The following TMEM135 variants were observed in gnomAD, a reference collection of about 807,000 sequenced individuals.
TMEM135 encodes the protein peroxisomal membrane protein 52.
A neutral mutation model predicts 60.3 loss-of-function variants in TMEM135; 30 were observed. The ratio of observed to expected loss-of-function variants is 0.50; its 90% CI spans 0.37 to 0.68. The LOEUF (loss-of-function observed/expected upper bound fraction) is 0.68. TMEM135 is among the 30% of genes least tolerant of loss of function. TMEM135 has a pLI of 0.00. For missense variants in TMEM135, 468 were observed against 548.8 expected (o/e 0.85, Z 1.47); for synonymous variants, 190 against 186.7 (o/e 1.02, Z -0.14).
rs139037509 is a variant in TMEM135 at position 87,060,133 on chromosome 11, G to A, written c.142-7561G>A. Among the ~76,000 whole-genome samples, 222 of 152,220 alleles carry A rather than the reference G, an allele frequency of 1.5e-3. 1 individual carries two copies. Among genetic ancestry groups the A allele is most frequent in the African/African-American group, 5.1e-3 (214 of 41,566 alleles). ...GAATAAAAAAAAAGAAAGAAAAAAA[G>A]TAAATCTTATAGATCTTGGACAAGG... On this transcript the variant is annotated intron_variant, in intron 1 of 14. Transcript: ENST00000305494.
chr11:87,159,593 GCACA>G lies in TMEM135; in HGVS notation c.462+2209_462+2212del, dbSNP rs146638445. 1.3e-3 allele frequency among the ~76,000 whole-genome samples: 160 copies of G among 124,946 alleles called. 1 individual carries two copies. Among genetic ancestry groups the G allele is most frequent in the African/African-American group, 3.5e-3 (124 of 35,222 alleles). 82.0% of individuals were successfully genotyped at this position (124,946 alleles called of 152,430 possible). ...AAGATACTACTGAATACACACACGC[GCACA>G]CACACACACACACACACACACCATA... On this transcript the variant is annotated intron_variant, in intron 5 of 14. Coordinates refer to ENST00000305494, the MANE Select transcript of TMEM135 (RefSeq NM_022918.4).
At position 87,326,430 on chromosome 11, in the gene TMEM135, G is replaced by T. The variant is rs911927582; in HGVS notation, c.*5097G>T. 8.8e-6 allele frequency: 4 copies of T among 453,832 alleles called. No individual in the cohort carries two copies. Among genetic ancestry groups the T allele is most frequent in the Non-Finnish European group, 1.8e-5 (4 of 226,772 alleles). The allele number at this position is 453,832 out of a possible 1,614,324, so 28.1% of individuals were successfully genotyped here. A position where few individuals can be genotyped will look rare whatever the true frequency, so the allele number is the denominator to read the frequency against. ...ATTAAACTTTTTCCAGTAGTTAATC[G>T]ATCTCTTAAATTAATTTTCTTTTCA... On this transcript the variant is annotated 3_prime_UTR_variant, in exon 15 of 15. Coordinates refer to ENST00000305494, the MANE Select transcript of TMEM135 (RefSeq NM_022918.4).
rs1048344657 is a variant in TMEM135 at position 87,324,286 on chromosome 11, C to T, written c.*2953C>T. The T allele has an allele frequency of 1.5e-5, 7 of 453,944 alleles. 1 individual carries two copies. The highest frequency in any genetic ancestry group is 2.6e-5 in the Non-Finnish European group (6 of 226,784). The allele number at this position is 453,944 out of a possible 1,614,324, so 28.1% of individuals were successfully genotyped here. A position where few individuals can be genotyped will look rare whatever the true frequency, so the allele number is the denominator to read the frequency against. On this transcript the variant is annotated 3_prime_UTR_variant, in exon 15 of 15. Transcript: ENST00000305494. ...GGGAGCTTCGTCCACTTGCCTGTGT[C>T]ACAACCTCTCCCTTGGTGCTAATTA...
At chr11:87,090,784 G>A (rs923819059) in intron 3 of TMEM135, among the ~76,000 whole-genome samples, 2 of 152,024 alleles carry the variant, frequency 1.3e-5, no homozygotes, top group Non-Finnish European at 2.9e-5. Context: ...TCTGTAAAGT[G>A]TTCATAGAAC....
intron 5 of TMEM135, among the ~76,000 whole-genome samples, chr11:87,204,264 G>A (rs564083081): frequency 6.7e-6 from 1 of 149,066 alleles, no homozygotes; most frequent in African/African-American, 2.5e-5. Flanking sequence ...ATGAATATTC[G>A]TACAATTTTT....
chr11:87,044,297 A>G (rs1006049868), intron 1 of TMEM135, among the ~76,000 whole-genome samples: 1 of 152,146 alleles, frequency 6.6e-6, no homozygotes, highest in African/African-American at 2.4e-5. Flanking sequence ...GTTCAGTGAT[A>G]CAGACTGAGT....
intron 5 of TMEM135, among the ~76,000 whole-genome samples, chr11:87,187,301 A>G (rs1225998034): frequency 1.3e-5 from 2 of 152,222 alleles, no homozygotes; most frequent in Non-Finnish European, 2.9e-5. Flanking sequence ...CAGCAGGGAA[A>G]GTATGTGTAC....
At chr11:87,197,180 C>G (rs1406275306) in intron 5 of TMEM135, among the ~76,000 whole-genome samples, 2 of 152,012 alleles carry the variant, frequency 1.3e-5, no homozygotes, top group Non-Finnish European at 2.9e-5. Flanking sequence ...TTTTCTAAGG[C>G]TAAGATGCTC....
intron 5 of TMEM135, among the ~76,000 whole-genome samples, chr11:87,163,847 T>C (rs1288180096): frequency 7.0e-6 from 1 of 142,982 alleles, no homozygotes; most frequent in Non-Finnish European, 1.5e-5. Flanking sequence ...TTTTGAGAAG[T>C]GTCTGTTCAT....
rs35634960 is a variant in TMEM135 at position 87,141,043 on chromosome 11, C to CT, written c.397-16285dup. 7.3e-4 allele frequency among the ~76,000 whole-genome samples: 107 copies of CT among 146,120 alleles called. 1 individual carries two copies. The South Asian group carries it at 0.011, about 15-fold the overall frequency. ...TTGAAATAAGTCTGCCAACTTTGTT[C>CT]TTTTTTTTTTTTTAACATTGTTATG... On this transcript the variant is annotated intron_variant, in intron 4 of 14. Coordinates refer to ENST00000305494, the MANE Select transcript of TMEM135 (RefSeq NM_022918.4).
chr11:87,189,175 T>C (rs1378254287), intron 5 of TMEM135, among the ~76,000 whole-genome samples: 1 of 119,946 alleles, frequency 8.3e-6, no homozygotes, highest in East Asian at 2.1e-4. Context: ...TTTCCTTTCT[T>C]TGCTTTCTTT....
chr11:87,319,212 G>C (rs890503503), intron 13 of TMEM135, 98 bp from the exon 14 acceptor site: 2 of 1,052,246 alleles, frequency 1.9e-6, no homozygotes, highest in Non-Finnish European at 2.9e-6. Context: ...AAAAATTCTT[G>C]ATAGTTACCA....
At chr11:87,221,920 C>T (rs548912183) in intron 5 of TMEM135, among the ~76,000 whole-genome samples, 5 of 152,134 alleles carry the variant, frequency 3.3e-5, no homozygotes, top group South Asian at 2.1e-4. Context: ...GGCTGGGGCC[C>T]GGCACCGTGG....
chr11:87,260,226 T>C (rs555268614), intron 6 of TMEM135, among the ~76,000 whole-genome samples: 102 of 152,338 alleles, frequency 6.7e-4, no homozygotes, highest in African/African-American at 2.2e-3. Context: ...GTTCTATTAT[T>C]GGAAACACAA....
In TMEM135 at chr11:87,321,306, AC is replaced by A. The variant is rs749578691; in HGVS notation, c.1352del (p.Pro451GlnfsTer17). The A allele has an allele frequency of 4.3e-6, 7 of 1,613,568 alleles. No individual in the cohort carries two copies. The highest frequency in any genetic ancestry group is 8.5e-7 in the Non-Finnish European group (1 of 1,179,696). On this transcript the variant is annotated frameshift_variant, in exon 15 of 15. Coordinates refer to ENST00000305494, the MANE Select transcript of TMEM135 (RefSeq NM_022918.4). LOFTEE classifies it high-confidence loss of function. ...TGGATCCAAGATACACAACTGTAAC[AC>A]CAGAGTTGCCCACAGAGTTTTCCTG... Reference protein sequence around the residue: ...RLDPRYTTVTPELPTEFS With the variant: ...RLDPRYTTVTXELPTEFS
intron 6 of TMEM135, among the ~76,000 whole-genome samples, chr11:87,241,660 C>A (rs470817): frequency 0.11 from 16,577 of 151,868 alleles, 1,639 homozygotes; most frequent in African/African-American, 0.26. Context: ...CCACCCTGCC[C>A]CACCACTATT....
At chr11:87,253,180 G>A (rs1416865481) in intron 6 of TMEM135, among the ~76,000 whole-genome samples, 1 of 152,102 alleles carries the variant, frequency 6.6e-6, no homozygotes, top group Non-Finnish European at 1.5e-5. Flanking sequence ...TGGCAAATCT[G>A]TTGTCATTTT....
chr11:87,109,639 TAAAACCATGGAAAAC>T (rs1030676981), intron 4 of TMEM135, among the ~76,000 whole-genome samples: 2 of 152,210 alleles, frequency 1.3e-5, no homozygotes, highest in African/African-American at 4.8e-5. Context: ...TGCTGGTAAC[TAAAACCATGGAAAAC>T]AAAACCATGG....
chr11:87,319,822 C>T lies in TMEM135; in HGVS notation c.1244+445C>T, dbSNP rs143684466. 2.7e-4 allele frequency among the ~76,000 whole-genome samples: 41 copies of T among 152,266 alleles called. 1 individual carries two copies. The East Asian group carries it at 7.7e-3, about 29-fold the overall frequency. On this transcript the variant is annotated intron_variant, in intron 14 of 14. Transcript: ENST00000305494. Reference sequence around the variant, plus strand: ...GCTTTGTTTTGTTTTCTCCCCTGATCTTAATCTAATTCTTTGGGAGGCATT... The same window carrying T: ...GCTTTGTTTTGTTTTCTCCCCTGATTTTAATCTAATTCTTTGGGAGGCATT...
Sources: allele counts gnomAD v4.1 joint callset (sites outside exome capture counted in the v4.1 genomes callset), GRCh38; gene constraint gnomAD v4.1.1; transcripts MANE v1.5; gene names NCBI Gene and HGNC (gene_info 2026-07-23, HGNC 2026-07-21).